Variants in ASXL2 observed in about 807,000 individuals in gnomAD.
ASXL2 encodes the protein ASXL transcriptional regulator 2.
ASXL2 carries 23 observed loss-of-function variants against 122.0 expected under a neutral mutation model. The ratio of observed to expected loss-of-function variants is 0.19; its 90% CI spans 0.14 to 0.27. The LOEUF (loss-of-function observed/expected upper bound fraction) is 0.27, where lower values mean the gene tolerates loss of function less well. Ranked by LOEUF, ASXL2 falls within the 10% of genes least tolerant of loss-of-function variation. The probability of loss-of-function intolerance (pLI) is 1.00; values close to 1 mark genes in which losing one functional copy is unlikely to be tolerated. For missense variants in ASXL2, 1,518 were observed against 1,713.8 expected (o/e 0.89, Z 2.02); for synonymous variants, 650 against 637.0 (o/e 1.02, Z -0.31).
intron 1 of ASXL2, among the ~76,000 whole-genome samples, chr2:25,872,301 G>A (rs2089967695): frequency 1.3e-5 from 2 of 152,106 alleles, no homozygotes; most frequent in African/African-American, 4.8e-5. Flanking sequence ...AGGATCCCTT[G>A]AGCCTGGGAG....
chr2:25,858,057 T>G (rs1304905926), intron 1 of ASXL2, among the ~76,000 whole-genome samples: 1 of 152,080 alleles, frequency 6.6e-6, no homozygotes. Flanking sequence ...TGGCATATAG[T>G]AAGTGCTCAA....
intron 3 of ASXL2, among the ~76,000 whole-genome samples, chr2:25,810,937 GTATAATCTT>G (rs2089159537): frequency 6.6e-6 from 1 of 152,036 alleles, no homozygotes; most frequent in African/African-American, 2.4e-5. Flanking sequence ...AAAGAAAACA[GTATAATCTT>G]CTGGGCACTG....
In ASXL2 at chr2:25,878,341, A is replaced by C; in HGVS notation, c.-119T>G. Reference sequence around the variant, plus strand: ...GGAAAGGTGGGAGAAAAGGGAAGTCAGACCGGGGGGGCACCCAAGCAGAGG... The same window carrying C: ...GGAAAGGTGGGAGAAAAGGGAAGTCCGACCGGGGGGGCACCCAAGCAGAGG... On this transcript the variant is annotated 5_prime_UTR_variant, in exon 1 of 13. The change abolishes the stop of an existing upstream ORF in the 5' untranslated region. Coordinates refer to ENST00000435504, the MANE Select transcript of ASXL2 (RefSeq NM_018263.6). 2.1e-6 allele frequency: 2 copies of C among 950,116 alleles called. No homozygotes were observed. Among genetic ancestry groups the C allele is most frequent in the East Asian group, 3.2e-5 (1 of 31,700 alleles). The allele number at this position is 950,116 out of a possible 1,614,324, so 58.9% of individuals were successfully genotyped here. A position where few individuals can be genotyped will look rare whatever the true frequency, so the allele number is the denominator to read the frequency against.
At chr2:25,776,400 A>C (rs1209010144) in intron 5 of ASXL2, among the ~76,000 whole-genome samples, 1 of 152,212 alleles carries the variant, frequency 6.6e-6, no homozygotes, top group Non-Finnish European at 1.5e-5. Context: ...TTTTGTCTAT[A>C]GATCAGCTGA....
chr2:25,765,122 T>A (rs1000400500), intron 8 of ASXL2, among the ~76,000 whole-genome samples: 5 of 152,208 alleles, frequency 3.3e-5, no homozygotes, highest in African/African-American at 1.2e-4. Flanking sequence ...CTAGAAAGTA[T>A]TTTATATAAA....
chr2:25,790,442 G>GA (rs140855141), intron 5 of ASXL2, among the ~76,000 whole-genome samples: 5,247 of 150,536 alleles, frequency 0.035, 148 homozygotes, highest in Middle Eastern at 0.09. Context: ...ATAAAAAAAG[G>GA]AAAAAAATTA....
At chr2:25,767,769 T>A (rs760717315) in intron 7 of ASXL2, 43 bp from the exon 8 acceptor site, 1 of 1,602,118 alleles carries the variant, frequency 6.2e-7, no homozygotes, top group Non-Finnish European at 8.5e-7. Flanking sequence ...GCACTGAGAT[T>A]ATAGACAGAA....
intron 8 of ASXL2, among the ~76,000 whole-genome samples, chr2:25,761,786 A>G (rs2088252113): frequency 6.6e-6 from 1 of 152,126 alleles, no homozygotes; most frequent in Non-Finnish European, 1.5e-5. Context: ...CCACTAATCT[A>G]TAAAGGCATG....
In ASXL2 at chr2:25,767,636, G is replaced by A; in HGVS notation, c.722C>T (p.Thr241Ile). The A allele has an allele frequency of 1.2e-6, 2 of 1,613,910 alleles. No individual in the cohort carries two copies. The highest frequency in any genetic ancestry group is 4.5e-5 in the East Asian group (2 of 44,864). Residue 241 changes from threonine (T) to isoleucine (I), a missense_variant, in exon 8 of 13, where the codon ACT becomes ATT. Transcript: ENST00000435504. Reference protein sequence around the residue: ...SFSSSVKVENTLLGLGKKSFQ... With the variant: ...SFSSSVKVENILLGLGKKSFQ... The stretch of plus-strand genomic sequence containing the variant: ...TGACTTCTTCCCCAAGCCTAGTAAA[G>A]TATTTTCCACTTTAACTGAGGAAGA...
At chr2:25,784,235 A>G (rs2088699751) in intron 5 of ASXL2, among the ~76,000 whole-genome samples, 1 of 152,112 alleles carries the variant, frequency 6.6e-6, no homozygotes, top group African/African-American at 2.4e-5. Context: ...TGGGTGACAG[A>G]GTAAGACCCT....
intron 7 of ASXL2, among the ~76,000 whole-genome samples, chr2:25,768,423 C>A (rs2088389344): frequency 6.6e-6 from 1 of 152,174 alleles, no homozygotes; most frequent in Non-Finnish European, 1.5e-5. Context: ...CCCACCTCAG[C>A]TTCCCGAGTA....
chr2:25,865,105 G>A (rs892295857), intron 1 of ASXL2, among the ~76,000 whole-genome samples: 1 of 151,538 alleles, frequency 6.6e-6, no homozygotes, highest in East Asian at 2.0e-4. Flanking sequence ...TTACAGGTGT[G>A]AGCCACCGCA....
chr2:25,812,618 C>A (rs539637543), intron 3 of ASXL2, among the ~76,000 whole-genome samples: 1 of 152,240 alleles, frequency 6.6e-6, no homozygotes, highest in East Asian at 1.9e-4. Flanking sequence ...ATGGAAATAT[C>A]CATTAAAACT....
chr2:25,793,374 T>C (rs1196921799), intron 5 of ASXL2, among the ~76,000 whole-genome samples: 1 of 152,232 alleles, frequency 6.6e-6, no homozygotes, highest in Non-Finnish European at 1.5e-5. Flanking sequence ...GGTACATACA[T>C]ACATTATTAC....
At chr2:25,764,087 T>C (rs892140322) in intron 8 of ASXL2, among the ~76,000 whole-genome samples, 12 of 152,222 alleles carry the variant, frequency 7.9e-5, no homozygotes, top group African/African-American at 2.4e-4. Context: ...AAGAGGTAAA[T>C]GTTGTCTATA....
At chr2:25,814,847 T>G (rs1293364957) in intron 3 of ASXL2, among the ~76,000 whole-genome samples, 1 of 152,178 alleles carries the variant, frequency 6.6e-6, no homozygotes, top group Non-Finnish European at 1.5e-5. Context: ...AAGAGCCAGA[T>G]TTAATGATTC....
intron 1 of ASXL2, among the ~76,000 whole-genome samples, chr2:25,859,057 T>C (rs1020616336): frequency 6.6e-6 from 1 of 151,934 alleles, no homozygotes; most frequent in Non-Finnish European, 1.5e-5. Flanking sequence ...TCAGGTGATC[T>C]GCCTGCCTTG....
chr2:25,782,604 G>C (rs1209518114), intron 5 of ASXL2, among the ~76,000 whole-genome samples: 5 of 152,106 alleles, frequency 3.3e-5, no homozygotes, highest in Non-Finnish European at 2.9e-5. Context: ...AATGGAGATA[G>C]TGGACATCTT....
chr2:25,749,868 G>A lies in ASXL2; in HGVS notation c.1688C>T (p.Pro563Leu), dbSNP rs912424018. Reference sequence around the variant, plus strand: ...GGAAGACTTCCTCTTGAGGCTTTCTGGGCTCTGATCAACAAGAGTTGCTAG... The same window carrying A: ...GGAAGACTTCCTCTTGAGGCTTTCTAGGCTCTGATCAACAAGAGTTGCTAG... The part of the protein sequence containing the change: ...EPLATLVDQS[P>L]ESLKRKSSLT... The change falls in exon 12 of 13, where the codon CCA becomes CTA. Residue 563 changes from proline (P) to leucine (L), a missense_variant. Around this residue, in one of 8 missense-constraint regions of ASXL2, gnomAD observed 292 missense variants for 293.5 expected, o/e 1.00. Coordinates refer to ENST00000435504, the MANE Select transcript of ASXL2 (RefSeq NM_018263.6). 1.2e-6 allele frequency: 2 copies of A among 1,610,940 alleles called. No homozygotes were observed. The highest frequency in any genetic ancestry group is 1.7e-6 in the Non-Finnish European group (2 of 1,178,874).
Sources: allele counts gnomAD v4.1 joint callset (sites outside exome capture counted in the v4.1 genomes callset), GRCh38; gene constraint gnomAD v4.1.1; regional missense constraint gnomAD v4.1.1; transcripts MANE v1.5; gene names NCBI Gene and HGNC (gene_info 2026-07-23, HGNC 2026-07-21).